The following PRKD1 variants were observed in gnomAD, a reference collection of about 807,000 sequenced individuals.
PRKD1 encodes serine/threonine-protein kinase D1.
In PRKD1, 63 loss-of-function variants were observed where a neutral mutation model predicts 95.9. The ratio of observed to expected loss-of-function variants is 0.66; its 90% CI spans 0.54 to 0.81. The LOEUF is 0.81. PRKD1 is among the 30% of genes least tolerant of loss of function. The probability of loss-of-function intolerance (pLI) is 0.00; values close to 1 mark genes in which losing one functional copy is unlikely to be tolerated. For synonymous variants in PRKD1, 425 were observed against 423.1 expected (o/e 1.00, Z -0.05); for missense variants, 1,048 against 1,165.3 (o/e 0.90, Z 1.47).
chr14:29,869,248 G>T (rs1594590121), intron 1 of PRKD1, among the ~76,000 whole-genome samples: 1 of 152,186 alleles, frequency 6.6e-6, no homozygotes, highest in Non-Finnish European at 1.5e-5. Context: ...TTTGAGACCA[G>T]CCTGGCCAAC....
At chr14:29,591,722 T>C (rs186741330) in intron 16 of PRKD1, among the ~76,000 whole-genome samples, 1 of 152,266 alleles carries the variant, frequency 6.6e-6, no homozygotes, top group South Asian at 2.1e-4. Flanking sequence ...CTTTGAGTAA[T>C]AGCTAGTTTT....
chr14:29,817,629 C>T (rs765890270), intron 1 of PRKD1, among the ~76,000 whole-genome samples: 8 of 151,998 alleles, frequency 5.3e-5, no homozygotes, highest in African/African-American at 7.2e-5. Flanking sequence ...ATTTTACAGA[C>T]GAGAATATAG....
intron 4 of PRKD1, chr14:29,656,336 A>T (rs901962016): frequency 1.1e-6 from 1 of 899,102 alleles, no homozygotes; most frequent in Non-Finnish European, 1.7e-6. Flanking sequence ...CTGTGGGTCA[A>T]TGTGTTGAAT....
chr14:29,690,591 C>T (rs757074322), intron 2 of PRKD1, among the ~76,000 whole-genome samples: 2 of 152,294 alleles, frequency 1.3e-5, no homozygotes, highest in South Asian at 2.1e-4. Flanking sequence ...CCCTGCTTCA[C>T]TCTTCTTCCT....
intron 1 of PRKD1, among the ~76,000 whole-genome samples, chr14:29,757,108 A>T (rs1017910803): frequency 3.3e-5 from 5 of 152,216 alleles, no homozygotes; most frequent in Admixed American, 6.5e-5. Flanking sequence ...AATGGTTCTT[A>T]ATAAATATCA....
At chr14:29,639,120 T>C (rs1211411761) in intron 4 of PRKD1, among the ~76,000 whole-genome samples, 1 of 151,988 alleles carries the variant, frequency 6.6e-6, no homozygotes, top group African/African-American at 2.4e-5. Flanking sequence ...AAAAAGAGAA[T>C]TGGAGATCAG....
chr14:29,861,585 G>A (rs745960596), intron 1 of PRKD1, among the ~76,000 whole-genome samples: 43 of 152,040 alleles, frequency 2.8e-4, no homozygotes, highest in Non-Finnish European at 5.4e-4. Context: ...TATTTAAAAT[G>A]TATAATTATT....
At chr14:29,817,261 T>C (rs1366630253) in intron 1 of PRKD1, among the ~76,000 whole-genome samples, 4 of 152,180 alleles carry the variant, frequency 2.6e-5, no homozygotes, top group African/African-American at 7.2e-5. Context: ...CATAAATATA[T>C]GTAACCTTTT....
intron 1 of PRKD1, among the ~76,000 whole-genome samples, chr14:29,873,664 T>C (rs1893188900): frequency 6.6e-6 from 1 of 152,130 alleles, no homozygotes; most frequent in Non-Finnish European, 1.5e-5. Context: ...TAAGATGCAT[T>C]TTAGTTATTT....
chr14:29,645,583 G>A lies in PRKD1; in HGVS notation c.697-6679C>T, dbSNP rs530499323. On this transcript the variant is annotated intron_variant, in intron 4 of 17. Coordinates refer to ENST00000331968, the MANE Select transcript of PRKD1 (RefSeq NM_002742.3). Reference sequence around the variant, plus strand: ...AGTTCTCTCCTATTGCCATCGAGATGGATCTATCTAATTTAGCAAGTGTTT... The same window carrying A: ...AGTTCTCTCCTATTGCCATCGAGATAGATCTATCTAATTTAGCAAGTGTTT... Among the ~76,000 whole-genome samples the A allele has an allele frequency of 2.0e-5, 3 of 152,214 alleles. 1 individual carries two copies. The South Asian group carries it at 6.2e-4, about 32-fold the overall frequency.
chr14:29,669,888 A>C (rs1318905697), intron 2 of PRKD1, among the ~76,000 whole-genome samples: 1 of 152,170 alleles, frequency 6.6e-6, no homozygotes, highest in Non-Finnish European at 1.5e-5. Flanking sequence ...AAACAAAAAC[A>C]AAACAAAACA....
intron 1 of PRKD1, among the ~76,000 whole-genome samples, chr14:29,734,332 G>C (rs139476095): frequency 6.6e-6 from 1 of 151,916 alleles, no homozygotes; most frequent in Non-Finnish European, 1.5e-5. Context: ...GAGCCACTGC[G>C]CCCAGCCTCC....
At chr14:29,696,043 C>T (rs1167188719) in intron 2 of PRKD1, among the ~76,000 whole-genome samples, 1 of 152,146 alleles carries the variant, frequency 6.6e-6, no homozygotes, top group Non-Finnish European at 1.5e-5. Flanking sequence ...GTGAGTCTTA[C>T]ATTAGTCTTC....
chr14:29,706,968 T>G (rs1317748537), intron 2 of PRKD1, among the ~76,000 whole-genome samples: 1 of 152,018 alleles, frequency 6.6e-6, no homozygotes, highest in Non-Finnish European at 1.5e-5. Context: ...ATAGTACAGG[T>G]TGAAGGACTA....
At chr14:29,611,786 G>A (rs1003495872) in intron 13 of PRKD1, among the ~76,000 whole-genome samples, 1 of 149,962 alleles carries the variant, frequency 6.7e-6, no homozygotes, top group Non-Finnish European at 1.5e-5. Context: ...ACATGAAGCT[G>A]TTTAATGGTT....
At chr14:29,781,105 C>G (rs1443447264) in intron 1 of PRKD1, among the ~76,000 whole-genome samples, 1 of 124,792 alleles carries the variant, frequency 8.0e-6, no homozygotes, top group Non-Finnish European at 1.5e-5. Context: ...CACTTGGACA[C>G]AGGAAGGGGA....
At chr14:29,665,853 C>CA (rs1192477419) in intron 3 of PRKD1, among the ~76,000 whole-genome samples, 35 of 151,862 alleles carry the variant, frequency 2.3e-4, no homozygotes, top group African/African-American at 8.4e-4. Context: ...TGTATACACA[C>CA]AAAAAAACCT....
chr14:29,708,494 C>T (rs951389716), intron 2 of PRKD1, among the ~76,000 whole-genome samples: 9 of 152,078 alleles, frequency 5.9e-5, no homozygotes, highest in African/African-American at 7.2e-5. Context: ...CTAGATATTT[C>T]GTTCTTACTA....
At chr14:29,808,404 T>TTTTTTTTTG (rs1890335040) in intron 1 of PRKD1, among the ~76,000 whole-genome samples, 1 of 121,926 alleles carries the variant, frequency 8.2e-6, no homozygotes, top group Non-Finnish European at 1.7e-5. Flanking sequence ...TTTTTTTTTT[T>TTTTTTTTTG]TTTTTTTTTT....
Sources: gnomAD v4.1 joint callset for allele counts (sites outside exome capture counted in the v4.1 genomes callset) on GRCh38, gnomAD v4.1.1 for gene constraint, MANE v1.5 for transcripts, NCBI Gene and HGNC (gene_info 2026-07-23, HGNC 2026-07-21) for gene names.